Variants in TMEM132D observed in about 807,000 individuals in gnomAD.
TMEM132D encodes mature OL transmembrane protein.
Under a neutral mutation model 62.3 loss-of-function variants are expected in TMEM132D, and 21 were observed. That is an observed-to-expected ratio of 0.34 (90% CI 0.24 to 0.49). The LOEUF is 0.49. TMEM132D is among the 20% of genes least tolerant of loss of function. The pLI, the probability that TMEM132D is intolerant of heterozygous loss-of-function variation, is 0.99. For missense variants in TMEM132D, 1,346 were observed against 1,402.8 expected, an observed-to-expected ratio of 0.96 and a Z score of 0.65; for synonymous variants, 621 against 575.6, an observed-to-expected ratio of 1.08 and a Z score of -1.13.
chr12:129,480,308 G>A (rs1229229678), intron 3 of TMEM132D, among the ~76,000 whole-genome samples: 1 of 152,220 alleles, frequency 6.6e-6, no homozygotes, highest in African/African-American at 2.4e-5. Flanking sequence ...AACCCCTGTG[G>A]GCCACTGAAA....
chr12:129,281,252 C>T (rs1881137283), intron 4 of TMEM132D, among the ~76,000 whole-genome samples: 1 of 152,078 alleles, frequency 6.6e-6, no homozygotes, highest in Admixed American at 6.6e-5. Flanking sequence ...GTCCTGATCC[C>T]TACTTTATCT....
chr12:129,658,348 C>T (rs1441552786), intron 2 of TMEM132D, among the ~76,000 whole-genome samples: 1 of 152,142 alleles, frequency 6.6e-6, no homozygotes, highest in South Asian at 2.1e-4. Context: ...TTCAACAAAT[C>T]CCCTTAGCCT....
intron 2 of TMEM132D, among the ~76,000 whole-genome samples, chr12:129,659,371 G>A (rs747691223): frequency 2.0e-5 from 3 of 152,264 alleles, no homozygotes; most frequent in South Asian, 2.1e-4. Context: ...CTGGTTGTTC[G>A]ATCAAGCTGC....
At chr12:129,465,903 G>C (rs1301574188) in intron 3 of TMEM132D, among the ~76,000 whole-genome samples, 1 of 152,022 alleles carries the variant, frequency 6.6e-6, no homozygotes. Context: ...GGCTGGTGTC[G>C]AATTCCTGAC....
intron 5 of TMEM132D, among the ~76,000 whole-genome samples, chr12:129,206,537 A>G (rs1878852612): frequency 6.6e-6 from 1 of 152,234 alleles, no homozygotes; most frequent in African/African-American, 2.4e-5. Flanking sequence ...TATGGAAAGC[A>G]GTTTGGTGAT....
Position 129,081,901 on chromosome 12 carries a change from A to G in TMEM132D, c.1781T>C (p.Leu594Pro), listed in dbSNP as rs2135616369. The change falls in exon 7 of 9, where the codon CTG becomes CCG. Residue 594 changes from leucine to proline, a missense_variant. Coordinates refer to ENST00000422113, the MANE Select transcript of TMEM132D (RefSeq NM_133448.3). The stretch of plus-strand genomic sequence containing the variant: ...CCAGTCTGAGCCCAGCAGGTGGGCC[A>G]GGTGTCCCCCAGGGCCGGCCGCCTC... ...VAEAAGPGGH[L>P]AHLLGSDWQV... The G allele has an allele frequency of 5.0e-6, 8 of 1,614,066 alleles. No homozygotes were observed. The highest frequency in any genetic ancestry group is 6.8e-6 in the Non-Finnish European group (8 of 1,180,020).
Position 129,139,164 on chromosome 12 carries a change from G to A in TMEM132D, c.1444-54462C>T, listed in dbSNP as rs547902097. On this transcript the variant is annotated intron_variant, in intron 5 of 8. Coordinates refer to ENST00000422113, the MANE Select transcript of TMEM132D (RefSeq NM_133448.3). The stretch of plus-strand genomic sequence containing the variant: ...AAGTCAACCCTCTCAAGTCTTAAAG[G>A]AGGAAGTTTGGTGTTGCCCCAGAGC... Among the ~76,000 whole-genome samples, 4 of 152,286 alleles carry A rather than the reference G, an allele frequency of 2.6e-5. No individual in the cohort carries two copies. The South Asian group carries it at 8.3e-4, about 32-fold the overall frequency.
intron 3 of TMEM132D, among the ~76,000 whole-genome samples, chr12:129,436,609 A>G (rs1488481327): frequency 6.6e-6 from 1 of 152,214 alleles, no homozygotes; most frequent in Admixed American, 6.5e-5. Flanking sequence ...AACAATTTAT[A>G]TAATGGAATA....
intron 3 of TMEM132D, among the ~76,000 whole-genome samples, chr12:129,439,266 T>C (rs9634056): frequency 0.93 from 141,200 of 152,206 alleles, 65,820 homozygotes; most frequent in Non-Finnish European, 0.99. Context: ...TATCTGATGG[T>C]CAATATTCTG....
intron 1 of TMEM132D, among the ~76,000 whole-genome samples, chr12:129,756,697 T>C (rs183351598): frequency 6.6e-6 from 1 of 152,234 alleles, no homozygotes; most frequent in Non-Finnish European, 1.5e-5. Context: ...ATGTATATTT[T>C]ACCAGAATTA....
intron 5 of TMEM132D, among the ~76,000 whole-genome samples, chr12:129,167,303 C>A (rs1877594680): frequency 6.6e-6 from 1 of 152,136 alleles, no homozygotes; most frequent in Non-Finnish European, 1.5e-5. Flanking sequence ...TTAGCATCTC[C>A]CAGGAACCAG....
intron 4 of TMEM132D, among the ~76,000 whole-genome samples, chr12:129,274,536 A>T (rs1455537426): frequency 5.3e-5 from 8 of 152,174 alleles, no homozygotes; most frequent in Admixed American, 5.2e-4. Context: ...AACAAAGAGC[A>T]GTAGGCCTTT....
intron 4 of TMEM132D, among the ~76,000 whole-genome samples, chr12:129,314,510 G>A (rs928484397): frequency 6.6e-6 from 1 of 152,126 alleles, no homozygotes; most frequent in Non-Finnish European, 1.5e-5. Context: ...CTGTTTTGGT[G>A]ACTATGGCCT....
chr12:129,741,868 G>C (rs1320108159), intron 1 of TMEM132D, among the ~76,000 whole-genome samples: 1 of 152,194 alleles, frequency 6.6e-6, no homozygotes, highest in African/African-American at 2.4e-5. Flanking sequence ...ACACCAACTA[G>C]GGAGTCTTGA....
chr12:129,480,228 C>T (rs768658677), intron 3 of TMEM132D, among the ~76,000 whole-genome samples: 11 of 152,196 alleles, frequency 7.2e-5, no homozygotes, highest in Non-Finnish European at 1.6e-4. Flanking sequence ...CATGGAGCTG[C>T]AGAGGGGTGC....
chr12:129,346,927 A>C (rs1782756), intron 3 of TMEM132D, among the ~76,000 whole-genome samples: 2 of 152,292 alleles, frequency 1.3e-5, no homozygotes, highest in African/African-American at 2.4e-5. Context: ...ACATGGAGAG[A>C]ACCAAGTCAT....
At chr12:129,836,397 A>G (rs1873003383) in intron 1 of TMEM132D, among the ~76,000 whole-genome samples, 1 of 152,100 alleles carries the variant, frequency 6.6e-6, no homozygotes, top group Admixed American at 6.6e-5. Context: ...GCTGAGTCTC[A>G]GTATCTCTGC....
intron 5 of TMEM132D, chr12:129,111,105 G>C (rs1003739594): frequency 1.3e-5 from 2 of 152,290 alleles, no homozygotes; most frequent in Admixed American, 6.5e-5. Flanking sequence ...AGACCTTCAG[G>C]AATCTGTGCA....
At chr12:129,087,323 A>G (rs1874652822) in intron 5 of TMEM132D, among the ~76,000 whole-genome samples, 1 of 151,936 alleles carries the variant, frequency 6.6e-6, no homozygotes, top group Non-Finnish European at 1.5e-5. Flanking sequence ...GTTAAGGCTG[A>G]ATAGTATTCC....
Sources: allele counts gnomAD v4.1 joint callset (sites outside exome capture counted in the v4.1 genomes callset), GRCh38; gene constraint gnomAD v4.1.1; transcripts MANE v1.5; gene names NCBI Gene and HGNC (gene_info 2026-07-23, HGNC 2026-07-21).